TTC6: variants seen among roughly 807,000 people sequenced by gnomAD.
TTC6 encodes the protein tetratricopeptide repeat domain 6, also known as tetratricopeptide repeat protein 6.
A neutral mutation model predicts 210.4 loss-of-function variants in TTC6; 172 were observed. That is an observed-to-expected ratio of 0.82 (90% CI 0.72 to 0.93). The LOEUF is 0.93. Among genes scored for constraint, TTC6 ranks in the 40% least tolerant of loss-of-function variants. TTC6 has a pLI of 0.00. For synonymous variants in TTC6, 804 were observed against 819.6 expected, an observed-to-expected ratio of 0.98 and a Z score of 0.32; for missense variants, 2,414 against 2,318.1, an observed-to-expected ratio of 1.04 and a Z score of -0.85.
At chr14:37,801,339 T>A (rs1229733813) in intron 20 of TTC6, among the ~76,000 whole-genome samples, 1 of 152,164 alleles carries the variant, frequency 6.6e-6, no homozygotes, top group Non-Finnish European at 1.5e-5. Context: ...TTGGGGGACC[T>A]TGGAATGGAG....
intron 18 of TTC6, 27 bp from the exon 21 acceptor site, chr14:37,796,267 A>G: frequency 9.7e-7 from 1 of 1,028,044 alleles, no homozygotes; most frequent in South Asian, 1.6e-5. Context: ...TTAGCTGCTT[A>G]GAATCAAAAT....
In TTC6 at chr14:37,812,418, T is replaced by A. The variant is rs753280231; in HGVS notation, c.4674T>A (p.Tyr1558Ter). ...TCATCTACGTAGAACTAGGCCAGTATGGCTTTGCACTAGAGGTAAGCCTTC... is the reference window on the plus strand; with the variant it reads ...TCATCTACGTAGAACTAGGCCAGTAAGGCTTTGCACTAGAGGTAAGCCTTC... The change falls in exon 25 of 31, where the codon TAT becomes TAA. Residue 1558 changes from tyrosine (Y) to a stop codon, truncating the protein, a stop_gained. Transcript: ENST00000553443. LOFTEE classifies it high-confidence loss of function. 3 of 1,608,830 alleles carry A rather than the reference T, an allele frequency of 1.9e-6. No individual in the cohort carries two copies. The Admixed American group carries it at 5.1e-5, about 27-fold the overall frequency.
chr14:37,661,796 T>C (rs767210652), intron 1 of TTC6, among the ~76,000 whole-genome samples: 1 of 152,220 alleles, frequency 6.6e-6, no homozygotes, highest in Non-Finnish European at 1.5e-5. Flanking sequence ...ATTCTTCTTA[T>C]GAGCATGGAA....
chr14:37,607,200 G>GCTTTGCAAAA (rs1431041930), intron 2 of TTC6, among the ~76,000 whole-genome samples: 1 of 152,178 alleles, frequency 6.6e-6, no homozygotes, highest in Non-Finnish European at 1.5e-5. Flanking sequence ...TATAAATCAA[G>GCTTTGCAAAA]GACTGAGACT....
intron 10 of TTC6, among the ~76,000 whole-genome samples, chr14:37,739,568 T>TAAAAA (rs869033607): frequency 8.2e-6 from 1 of 122,378 alleles, no homozygotes; most frequent in African/African-American, 3.2e-5. Context: ...GACTCCATCT[T>TAAAAA]AAAAAAAAAA....
chr14:37,620,422 T>C (rs1293271614), upstream of TTC6, among the ~76,000 whole-genome samples: 1 of 152,188 alleles, frequency 6.6e-6, no homozygotes, highest in Non-Finnish European at 1.5e-5. Context: ...TTTCATTGTT[T>C]TACCCTGATT....
intron 7 of TTC6, 99 bp downstream of exon 9, chr14:37,725,101 T>A: frequency 1.7e-6 from 1 of 595,622 alleles, no homozygotes; most frequent in South Asian, 3.3e-5. Context: ...TGGCCATTTA[T>A]GTAAATTACC....
chr14:37,828,876 A>G (rs1271608892), intron 29 of TTC6, among the ~76,000 whole-genome samples: 1 of 151,974 alleles, frequency 6.6e-6, no homozygotes, highest in Non-Finnish European at 1.5e-5. Context: ...TTATTCAAGT[A>G]TCCTGTTATT....
intron 1 of TTC6, among the ~76,000 whole-genome samples, chr14:37,634,851 C>T (rs1197880259): frequency 6.6e-6 from 1 of 152,126 alleles, no homozygotes; most frequent in Non-Finnish European, 1.5e-5. Context: ...AAAAGAACTA[C>T]CAGAATTCTA....
At chr14:37,833,243 T>C (rs552333851) in intron 29 of TTC6, among the ~76,000 whole-genome samples, 1 of 152,302 alleles carries the variant, frequency 6.6e-6, no homozygotes, top group South Asian at 2.1e-4. Context: ...TATTAATGAG[T>C]CTAGCTCTCT....
chr14:37,790,083 A>T (rs966543376), intron 15 of TTC6, among the ~76,000 whole-genome samples: 3 of 151,940 alleles, frequency 2.0e-5, no homozygotes, highest in Non-Finnish European at 4.4e-5. Flanking sequence ...TACTGAGAGG[A>T]GGTTCTTTTT....
chr14:37,739,105 A>G, exon 10 of TTC6: 1 of 1,527,682 alleles, frequency 6.5e-7, no homozygotes, highest in Non-Finnish European at 8.7e-7. Context: ...AACAACAAAA[A>G]CTTATATTCG....
At chr14:37,798,469 T>G (rs1356432980) in intron 20 of TTC6, among the ~76,000 whole-genome samples, 1 of 152,050 alleles carries the variant, frequency 6.6e-6, no homozygotes, top group Non-Finnish European at 1.5e-5. Flanking sequence ...GCTGACCACC[T>G]TGCTGAACTT....
At chr14:37,725,346 ATATATATATATAAT>A (rs2095870566) in intron 7 of TTC6, among the ~76,000 whole-genome samples, 1 of 120,402 alleles carries the variant, frequency 8.3e-6, no homozygotes, top group African/African-American at 3.2e-5. Context: ...ATATATATAT[ATATATATATATAAT>A]TTTTTTTGAG....
At chr14:37,821,980 C>T (rs2096158631) in intron 26 of TTC6, among the ~76,000 whole-genome samples, 1 of 151,788 alleles carries the variant, frequency 6.6e-6, no homozygotes, top group Non-Finnish European at 1.5e-5. Flanking sequence ...GGGGTGTCAC[C>T]ATGTTGGCCA....
At chr14:37,749,390 G>C (rs1440169620) in exon 11 of TTC6, 1 of 1,427,098 alleles carries the variant, frequency 7.0e-7, no homozygotes, top group Admixed American at 3.0e-5. Flanking sequence ...TGCCATGAAT[G>C]ATCTGCAGAG....
At chr14:37,629,265 G>A (rs1467765833) in intron 1 of TTC6, among the ~76,000 whole-genome samples, 1 of 152,014 alleles carries the variant, frequency 6.6e-6, no homozygotes, top group South Asian at 2.1e-4. Context: ...ATTTGTTTGT[G>A]TCCTCTCTTA....
intron 14 of TTC6, among the ~76,000 whole-genome samples, chr14:37,760,748 A>G (rs546141829): frequency 6.6e-6 from 1 of 152,310 alleles, no homozygotes; most frequent in East Asian, 1.9e-4. Flanking sequence ...CAGTCTGGCC[A>G]CAGCCGCTTT....
intron 1 of TTC6, among the ~76,000 whole-genome samples, chr14:37,648,988 G>T (rs927987179): frequency 6.6e-6 from 1 of 151,826 alleles, no homozygotes; most frequent in African/African-American, 2.4e-5. Context: ...CTACAATTTG[G>T]AGATCCACAC....
Sources: gnomAD v4.1 joint callset for allele counts (sites outside exome capture counted in the v4.1 genomes callset) on GRCh38, gnomAD v4.1.1 for gene constraint, MANE v1.5 for transcripts, NCBI Gene and HGNC (gene_info 2026-07-23, HGNC 2026-07-21) for gene names.